RORB: variants seen among roughly 807,000 people sequenced by gnomAD.
The protein encoded by RORB is RAR related orphan receptor B.
In RORB, 6 loss-of-function variants were observed where a neutral mutation model predicts 59.1. The ratio of observed to expected loss-of-function variants is 0.10; its 90% CI spans 0.06 to 0.20. RORB has a LOEUF of 0.20. Ranked by LOEUF, RORB falls within the 10% of genes least tolerant of loss-of-function variation. RORB has a pLI of 1.00. For missense variants in RORB, 320 were observed against 560.5 expected (o/e 0.57, Z 4.33); for synonymous variants, 215 against 204.5 (o/e 1.05, Z -0.44).
intron 1 of RORB, among the ~76,000 whole-genome samples, chr9:74,619,174 C>T (rs978011618): frequency 2.0e-5 from 3 of 152,108 alleles, no homozygotes; most frequent in Non-Finnish European, 2.9e-5. Flanking sequence ...ACTCTTCAAC[C>T]ACCAACTTTA....
At chr9:74,616,663 A>G (rs148578594) in intron 1 of RORB, among the ~76,000 whole-genome samples, 4 of 152,310 alleles carry the variant, frequency 2.6e-5, no homozygotes, top group Admixed American at 2.6e-4. Context: ...TAGACATACT[A>G]ACGTCTATGT....
Position 74,590,977 on chromosome 9 carries a change from AGT to A in RORB, c.8-39304_8-39303del, listed in dbSNP as rs200068356. Among the ~76,000 whole-genome samples, 1,410 of 152,180 alleles carry A rather than the reference AGT, an allele frequency of 9.3e-3. 11 individuals are homozygous for A. Among genetic ancestry groups the A allele is most frequent in the Admixed American group, 0.02 (307 of 15,274 alleles). On this transcript the variant is annotated intron_variant, in intron 1 of 9. Coordinates refer to ENST00000376896, the MANE Select transcript of RORB (RefSeq NM_006914.4). ...GGCCCAGCTAACTTTTTGTATTTTT[AGT>A]ACAGGTGGGGTTTCACCATGTTAAC...
intron 1 of RORB, among the ~76,000 whole-genome samples, chr9:74,551,798 T>C (rs1191572009): frequency 1.3e-5 from 2 of 152,180 alleles, no homozygotes; most frequent in Non-Finnish European, 2.9e-5. Flanking sequence ...AAAATTATAG[T>C]GGTTGCCATT....
intron 1 of RORB, among the ~76,000 whole-genome samples, chr9:74,505,211 A>G (rs1350005713): frequency 1.3e-5 from 2 of 151,996 alleles, no homozygotes; most frequent in Admixed American, 6.6e-5. Flanking sequence ...TTTTGTTTTA[A>G]TATTTTCAAA....
intron 1 of RORB, among the ~76,000 whole-genome samples, chr9:74,523,565 T>G (rs1328542880): frequency 6.6e-6 from 1 of 151,942 alleles, no homozygotes; most frequent in African/African-American, 2.4e-5. Context: ...TCTGTGTTAT[T>G]GTACATATAT....
chr9:74,683,016 TG>T (rs1435376876), intron 9 of RORB, among the ~76,000 whole-genome samples: 1 of 152,220 alleles, frequency 6.6e-6, no homozygotes, highest in Non-Finnish European at 1.5e-5. Context: ...GTTTCAAACA[TG>T]GAGTCTGAGC....
chr9:74,651,361 C>A (rs569068370), intron 4 of RORB, among the ~76,000 whole-genome samples: 1 of 152,186 alleles, frequency 6.6e-6, no homozygotes, highest in African/African-American at 2.4e-5. Context: ...ATGGAGAAAC[C>A]CTGTCTCCAC....
rs552265710 is a variant in RORB, at chr9:74,661,666, A to G, written c.760-808A>G. Among the ~76,000 whole-genome samples the G allele has an allele frequency of 3.1e-3, 259 of 83,278 alleles. 1 individual carries two copies. Among genetic ancestry groups the G allele is most frequent in the Middle Eastern group, 0.015 (1 of 68 alleles). The allele number at this position is 83,278 out of a possible 152,430, so 54.6% of individuals were successfully genotyped here. ...TTTTTTTTTTTTTTTTTTTTTTGAG[A>G]CGGAGTCTCACTCTGTCACCCATGC... On this transcript the variant is annotated intron_variant, in intron 5 of 9. Transcript: ENST00000376896.
chr9:74,531,301 C>G (rs1489253113), intron 1 of RORB, among the ~76,000 whole-genome samples: 2 of 152,040 alleles, frequency 1.3e-5, no homozygotes, highest in East Asian at 3.9e-4. Flanking sequence ...CAGCCATTAA[C>G]CCAAAGCTGC....
rs369582142 is a variant in RORB at position 74,577,033 on chromosome 9, T to C, written c.8-53249T>C. Among the ~76,000 whole-genome samples, 14 of 152,258 alleles carry C rather than the reference T, an allele frequency of 9.2e-5. No homozygotes were observed. In the East Asian group the frequency reaches 2.7e-3, roughly 29 times the overall value. Reference sequence around the variant, plus strand: ...CTCCAAGGCCAGTGCTCTAGAGGTTTCAAGTGTATGTAGGTTACAAGAAAG... The same window carrying C: ...CTCCAAGGCCAGTGCTCTAGAGGTTCCAAGTGTATGTAGGTTACAAGAAAG... On this transcript the variant is annotated intron_variant, in intron 1 of 9. Transcript: ENST00000376896.
At chr9:74,535,053 G>A (rs1043277554) in intron 1 of RORB, among the ~76,000 whole-genome samples, 9 of 152,008 alleles carry the variant, frequency 5.9e-5, no homozygotes, top group East Asian at 1.9e-4. Flanking sequence ...TTGTGACAGC[G>A]CATCACAAGA....
At chr9:74,531,124 A>C (rs762417226) in intron 1 of RORB, among the ~76,000 whole-genome samples, 1 of 151,976 alleles carries the variant, frequency 6.6e-6, no homozygotes, top group Non-Finnish European at 1.5e-5. Flanking sequence ...ATACCTGAGA[A>C]CATTTTGCTA....
intron 1 of RORB, among the ~76,000 whole-genome samples, chr9:74,501,158 G>A (rs114057385): frequency 6.6e-6 from 1 of 152,072 alleles, no homozygotes; most frequent in Admixed American, 6.5e-5. Flanking sequence ...AAAAACAGGG[G>A]CACAGATGTC....
chr9:74,533,905 A>T (rs1264278084), intron 1 of RORB, among the ~76,000 whole-genome samples: 1 of 152,020 alleles, frequency 6.6e-6, no homozygotes, highest in Non-Finnish European at 1.5e-5. Context: ...GGTAAAGGGG[A>T]CATTAAAGAA....
intron 1 of RORB, among the ~76,000 whole-genome samples, chr9:74,515,289 T>A (rs542813857): frequency 9.2e-4 from 140 of 151,922 alleles, no homozygotes; most frequent in African/African-American, 3.2e-3. Flanking sequence ...AAGAAGAGGC[T>A]AAGGTACAGG....
chr9:74,525,993 A>G (rs572078725), intron 1 of RORB, among the ~76,000 whole-genome samples: 1 of 152,098 alleles, frequency 6.6e-6, no homozygotes, highest in East Asian at 1.9e-4. Flanking sequence ...TTAAGAAAAA[A>G]TTGTTTGTGC....
rs764941917 is a variant in RORB, at chr9:74,611,908, C to T, written c.8-18374C>T. 7.2e-5 allele frequency among the ~76,000 whole-genome samples: 11 copies of T among 152,246 alleles called. No individual in the cohort carries two copies. In the South Asian group the frequency reaches 1.0e-3, roughly 14 times the overall value. On this transcript the variant is annotated intron_variant, in intron 1 of 9. Transcript: ENST00000376896. ...CAGGTGATCCACCCACCTCGGCCTC[C>T]CAAAGTGCTGGGATTACAGGCATGA...
At chr9:74,518,613 G>A (rs902393499) in intron 1 of RORB, among the ~76,000 whole-genome samples, 3 of 151,980 alleles carry the variant, frequency 2.0e-5, no homozygotes, top group Admixed American at 2.0e-4. Flanking sequence ...GTGGGCTGTG[G>A]TTGTCTCAAG....
intron 1 of RORB, among the ~76,000 whole-genome samples, chr9:74,543,713 A>G (rs1826448333): frequency 6.6e-6 from 1 of 152,226 alleles, no homozygotes; most frequent in South Asian, 2.1e-4. Context: ...AGTAAATAAT[A>G]TCTCCCTAAT....
Sources: allele counts gnomAD v4.1 joint callset (sites outside exome capture counted in the v4.1 genomes callset), GRCh38; gene constraint gnomAD v4.1.1; transcripts MANE v1.5; gene names NCBI Gene and HGNC (gene_info 2026-07-23, HGNC 2026-07-21).